Variants in MOB1B observed in about 807,000 individuals in gnomAD.
The protein encoded by MOB1B is MOB kinase activator 1B.
In MOB1B, 19 loss-of-function variants were observed where a neutral mutation model predicts 24.4. The ratio of observed to expected loss-of-function variants is 0.78; its 90% confidence interval spans 0.54 to 1.14. The LOEUF (loss-of-function observed/expected upper bound fraction) is 1.14, where lower values mean the gene tolerates loss of function less well. Ranked by LOEUF, MOB1B falls within the 50% of genes most tolerant of loss-of-function variation. The pLI is 0.00. For missense variants in MOB1B, 243 were observed against 259.6 expected (o/e 0.94, Z 0.44); for synonymous variants, 76 against 82.1 (o/e 0.93, Z 0.40).
chr4:70,951,546 G>A (rs1371440069), intron 1 of MOB1B, among the ~76,000 whole-genome samples: 1 of 152,172 alleles, frequency 6.6e-6, no homozygotes, highest in African/African-American at 2.4e-5. Flanking sequence ...GTAGAGTAAT[G>A]CAATGAATTA....
At chr4:70,945,588 A>T (rs1211876338) in intron 1 of MOB1B, among the ~76,000 whole-genome samples, 1 of 152,222 alleles carries the variant, frequency 6.6e-6, no homozygotes, top group African/African-American at 2.4e-5. Context: ...TATTTGCTGT[A>T]CTTTCAAATT....
chr4:70,955,045 C>CA (rs1167753206), intron 1 of MOB1B, among the ~76,000 whole-genome samples: 1 of 152,150 alleles, frequency 6.6e-6, no homozygotes, highest in African/African-American at 2.4e-5. Context: ...CTCGGCCTCC[C>CA]AAAGTGCTGG....
chr4:70,902,433 C>T lies in MOB1B; in HGVS notation c.-104C>T. ...CAGCCGGCTCTCGGCACCTCCTCCTCCGCCTCCCTGTCTCCTGTTCCATTC... is the reference window on the plus strand; with the variant it reads ...CAGCCGGCTCTCGGCACCTCCTCCTTCGCCTCCCTGTCTCCTGTTCCATTC... On this transcript the variant is annotated 5_prime_UTR_variant, in exon 1 of 6. Transcript: ENST00000309395. The T allele has an allele frequency of 1.5e-6, 2 of 1,303,810 alleles. No homozygotes were observed. The highest frequency in any genetic ancestry group is 1.3e-5 in the South Asian group (1 of 79,310). 80.8% of individuals were successfully genotyped at this position (1,303,810 alleles called of 1,614,324 possible).
chr4:70,945,146 A>G (rs1383349506), intron 1 of MOB1B, among the ~76,000 whole-genome samples: 4 of 152,206 alleles, frequency 2.6e-5, no homozygotes, highest in Non-Finnish European at 5.9e-5. Flanking sequence ...ATCTAGTCAT[A>G]CATAGATGTG....
chr4:70,905,902 C>G (rs1385612394), intron 1 of MOB1B, among the ~76,000 whole-genome samples: 1 of 151,290 alleles, frequency 6.6e-6, no homozygotes, highest in African/African-American at 2.4e-5. Context: ...TCTTTCTACC[C>G]CTAAAAATAC....
chr4:70,902,464 T>G lies in MOB1B; in HGVS notation c.-73T>G. The G allele has an allele frequency of 6.6e-7, 1 of 1,511,020 alleles. No individual in the cohort carries two copies. Among genetic ancestry groups the G allele is most frequent in the Non-Finnish European group, 9.0e-7 (1 of 1,110,884 alleles). The allele number at this position is 1,511,020 out of a possible 1,614,324, so 93.6% of individuals were successfully genotyped here. ...CCCTGTCTCCTGTTCCATTCGCCTTTCCTCTTCTTTCCTGGCCCACGCCGC... is the reference window on the plus strand; with the variant it reads ...CCCTGTCTCCTGTTCCATTCGCCTTGCCTCTTCTTTCCTGGCCCACGCCGC... On this transcript the variant is annotated 5_prime_UTR_variant, in exon 1 of 6. Transcript: ENST00000309395.
At chr4:70,918,501 C>T (rs1184573170) in intron 1 of MOB1B, among the ~76,000 whole-genome samples, 4 of 151,906 alleles carry the variant, frequency 2.6e-5, no homozygotes, top group African/African-American at 4.8e-5. Context: ...TTGAGAAGTG[C>T]CTGTTCATGT....
intron 2 of MOB1B, among the ~76,000 whole-genome samples, chr4:70,963,251 T>C (rs1738374783): frequency 6.6e-6 from 1 of 152,036 alleles, no homozygotes. Context: ...CCATAGCTAC[T>C]TGGGAGGCTG....
At chr4:70,936,006 T>C (rs1178732431) in intron 1 of MOB1B, among the ~76,000 whole-genome samples, 1 of 151,692 alleles carries the variant, frequency 6.6e-6, no homozygotes, top group East Asian at 1.9e-4. Context: ...CGCCCACCAC[T>C]ACGCCCGGCT....
intron 2 of MOB1B, among the ~76,000 whole-genome samples, chr4:70,966,948 G>T (rs1000622502): frequency 1.3e-5 from 2 of 152,116 alleles, no homozygotes; most frequent in African/African-American, 4.8e-5. Flanking sequence ...AACAATACAT[G>T]CAGAAAAACC....
intron 1 of MOB1B, among the ~76,000 whole-genome samples, chr4:70,929,275 T>C (rs1214747374): frequency 1.3e-5 from 2 of 149,698 alleles, no homozygotes; most frequent in Admixed American, 6.7e-5. Flanking sequence ...ACCTCCCAGG[T>C]TCAAGTGTTT....
At chr4:70,956,867 A>G (rs913047882) in intron 1 of MOB1B, among the ~76,000 whole-genome samples, 3 of 152,214 alleles carry the variant, frequency 2.0e-5, no homozygotes, top group African/African-American at 7.2e-5. Flanking sequence ...TAGAATGAAA[A>G]ATACCTGTTA....
chr4:70,944,355 A>AT (rs947748719), intron 1 of MOB1B, among the ~76,000 whole-genome samples: 1 of 152,092 alleles, frequency 6.6e-6, no homozygotes, highest in Non-Finnish European at 1.5e-5. Flanking sequence ...TTTTATTTAG[A>AT]TTTTTTTGAC....
chr4:70,924,563 G>A lies in MOB1B; in HGVS notation c.14+22013G>A, dbSNP rs775806412. ...TTTGATACATAGGTATACATGTGCC[G>A]TGTTGGTTTGCTGCATCCATCAATT... On this transcript the variant is annotated intron_variant, in intron 1 of 5. Transcript: ENST00000309395. Among the ~76,000 whole-genome samples, 6 of 152,162 alleles carry A rather than the reference G, an allele frequency of 3.9e-5. No homozygotes were observed. In the East Asian group the frequency reaches 5.8e-4, roughly 15 times the overall value.
chr4:70,914,946 A>C (rs1373732196), intron 1 of MOB1B, among the ~76,000 whole-genome samples: 2 of 152,152 alleles, frequency 1.3e-5, no homozygotes, highest in Admixed American at 1.3e-4. Flanking sequence ...TGTGACAGTA[A>C]TGTGTTTTTT....
At position 70,983,817 on chromosome 4, in the gene MOB1B, C is replaced by T. The variant is rs2148906662; in HGVS notation, c.*1760C>T. The T allele has an allele frequency of 6.6e-6, 1 of 152,668 alleles. No individual in the cohort carries two copies. Among genetic ancestry groups the T allele is most frequent in the East Asian group, 1.9e-4 (1 of 5,186 alleles). 9.5% of individuals were successfully genotyped at this position (152,668 alleles called of 1,614,324 possible). On this transcript the variant is annotated 3_prime_UTR_variant, in exon 6 of 6. Coordinates refer to ENST00000309395, the MANE Select transcript of MOB1B (RefSeq NM_173468.4). ...ACCAACAGTAGAAGTAACAGGAAAGCCTGGCAGAGTTAAATATCTTGGACA... is the reference window on the plus strand; with the variant it reads ...ACCAACAGTAGAAGTAACAGGAAAGTCTGGCAGAGTTAAATATCTTGGACA...
chr4:70,977,482 T>C (rs1190993447), intron 4 of MOB1B, among the ~76,000 whole-genome samples: 1 of 152,182 alleles, frequency 6.6e-6, no homozygotes, highest in African/African-American at 2.4e-5. Flanking sequence ...ACAAAGGATA[T>C]GGGATTTTAT....
At chr4:70,979,026 T>C in intron 4 of MOB1B, 102 bp from the exon 5 acceptor site, 2 of 921,730 alleles carry the variant, frequency 2.2e-6, no homozygotes, top group Non-Finnish European at 1.7e-6. Context: ...ATGCTACTTC[T>C]TTTCAGCCTT....
intron 1 of MOB1B, among the ~76,000 whole-genome samples, chr4:70,940,733 A>G (rs922676898): frequency 1.3e-5 from 2 of 150,758 alleles, no homozygotes; most frequent in African/African-American, 4.9e-5. Flanking sequence ...CTGGAGTGCA[A>G]TGGCGCAATC....
Sources: allele counts gnomAD v4.1 joint callset (sites outside exome capture counted in the v4.1 genomes callset), GRCh38; gene constraint gnomAD v4.1.1; transcripts MANE v1.5; gene names NCBI Gene and HGNC (gene_info 2026-07-23, HGNC 2026-07-21).